The following DISC1 variants were observed in gnomAD, a reference collection of about 807,000 sequenced individuals.
DISC1 encodes the protein DISC1 scaffold protein.
Under a neutral mutation model 84.5 loss-of-function variants are expected in DISC1, and 57 were observed. The observed-to-expected ratio is 0.67, with a 90% CI of 0.55 to 0.84. The LOEUF (loss-of-function observed/expected upper bound fraction) is 0.84. DISC1 is among the 40% of genes least tolerant of loss of function. The pLI is 0.00. For synonymous variants in DISC1, 411 were observed against 415.2 expected (o/e 0.99, Z 0.12); for missense variants, 1,000 against 1,057.8 (o/e 0.95, Z 0.76).
intron 3 of DISC1, chr1:231,723,904 T>C: frequency 1.0e-6 from 1 of 985,466 alleles, no homozygotes; most frequent in Non-Finnish European, 1.2e-6. Context: ...CCAGTGCCGA[T>C]GTCTGGACAA....
intron 6 of DISC1, among the ~76,000 whole-genome samples, chr1:231,783,748 C>T (rs547739229): frequency 6.6e-6 from 1 of 152,296 alleles, no homozygotes; most frequent in East Asian, 1.9e-4. Context: ...TGCTACCTTA[C>T]TCATATGTGC....
chr1:231,805,755 T>C (rs894870363), intron 8 of DISC1, among the ~76,000 whole-genome samples: 2 of 152,084 alleles, frequency 1.3e-5, no homozygotes, highest in Admixed American at 1.3e-4. Context: ...GAGGATTACA[T>C]TGCAACATGA....
In DISC1 at chr1:231,694,087, C is replaced by T; in HGVS notation, c.329C>T (p.Ser110Phe). The change falls in exon 2 of 13, where the codon TCT becomes TTT. Residue 110 changes from serine to phenylalanine, a missense_variant. Ser to Phe is a radical substitution (Grantham distance 155). This residue lies in a region of DISC1 where 292 missense variants were observed against 280.2 expected (regional missense o/e 1.04). Transcript: ENST00000439617. ...AGTGCAGCAGCCCCTACTGTGACCTCTGTGAGAGGAACCTCGGCGCACTTT... is the reference window on the plus strand; with the variant it reads ...AGTGCAGCAGCCCCTACTGTGACCTTTGTGAGAGGAACCTCGGCGCACTTT... ...SKSAAAPTVT[S>F]VRGTSAHFGI... is the part of the protein sequence containing the mutation. 4 of 1,614,204 alleles carry T rather than the reference C, an allele frequency of 2.5e-6. No individual in the cohort carries two copies. Among genetic ancestry groups the T allele is most frequent in the Non-Finnish European group, 3.4e-6 (4 of 1,180,022 alleles).
chr1:231,772,525 A>T (rs944785545), intron 6 of DISC1, among the ~76,000 whole-genome samples: 12 of 152,082 alleles, frequency 7.9e-5, no homozygotes, highest in African/African-American at 2.9e-4. Flanking sequence ...TCCTCACTCA[A>T]CTCATTATTG....
chr1:231,839,554 T>A (rs1162650775), intron 9 of DISC1, among the ~76,000 whole-genome samples: 1 of 152,190 alleles, frequency 6.6e-6, no homozygotes, highest in East Asian at 1.9e-4. Context: ...TCAAGATTTC[T>A]GAAAGGTCGT....
chr1:231,962,125 G>A lies in DISC1; in HGVS notation c.2042+3237G>A, dbSNP rs146913936. On this transcript the variant is annotated intron_variant, in intron 10 of 12. Coordinates refer to ENST00000439617, the MANE Select transcript of DISC1 (RefSeq NM_018662.3). ...TGGTTTTGATTTACATTTCTCTGAT[G>A]ATTAATGATGTTAAACTTTTTTTGT... Among the ~76,000 whole-genome samples the A allele has an allele frequency of 5.2e-3, 795 of 152,260 alleles. 24 individuals carry two copies. Among genetic ancestry groups the A allele is most frequent in the Admixed American group, 0.048 (732 of 15,294 alleles).
chr1:231,787,202 A>G (rs566597333), intron 6 of DISC1, among the ~76,000 whole-genome samples: 3 of 152,172 alleles, frequency 2.0e-5, no homozygotes, highest in African/African-American at 7.2e-5. Flanking sequence ...TCTCTAACCA[A>G]ATAGATGCCC....
intron 9 of DISC1, among the ~76,000 whole-genome samples, chr1:231,881,982 A>G (rs2086321883): frequency 6.6e-6 from 1 of 152,170 alleles, no homozygotes; most frequent in South Asian, 2.1e-4. Flanking sequence ...TTGAGGTCAC[A>G]TGCTTGGTCG....
At chr1:231,692,537 G>A (rs922114123) in intron 1 of DISC1, among the ~76,000 whole-genome samples, 2 of 152,328 alleles carry the variant, frequency 1.3e-5, no homozygotes, top group East Asian at 1.9e-4. Context: ...TAGTGATCTC[G>A]GCTTAACAGG....
At chr1:231,800,748 G>A (rs940559550) in intron 8 of DISC1, among the ~76,000 whole-genome samples, 5 of 152,070 alleles carry the variant, frequency 3.3e-5, no homozygotes, top group African/African-American at 1.2e-4. Context: ...ACACTCCTCT[G>A]GATTTGTTAT....
At chr1:231,770,708 C>T in intron 5 of DISC1, 127 bp from the exon 6 acceptor site, 1 of 1,488,790 alleles carries the variant, frequency 6.7e-7, no homozygotes, top group Admixed American at 2.0e-5. Flanking sequence ...AATCTGCCTG[C>T]CTCAGAAGGG....
chr1:232,004,634 A>C (rs1313891782), intron 10 of DISC1, among the ~76,000 whole-genome samples: 3 of 152,218 alleles, frequency 2.0e-5, no homozygotes, highest in African/African-American at 7.2e-5. Context: ...TAGGCAATGA[A>C]TATGAAAAGA....
chr1:232,012,862 T>C (rs1558836560), intron 11 of DISC1, among the ~76,000 whole-genome samples: 1 of 152,176 alleles, frequency 6.6e-6, no homozygotes, highest in Non-Finnish European at 1.5e-5. Flanking sequence ...CTTTGGACTT[T>C]GTTACAGAGG....
At chr1:231,764,699 C>T (rs1236359141) in intron 4 of DISC1, among the ~76,000 whole-genome samples, 6 of 152,088 alleles carry the variant, frequency 3.9e-5, no homozygotes, top group South Asian at 4.2e-4. Context: ...TTTTTGTAGC[C>T]GATCTTTGTG....
At chr1:231,717,511 C>T (rs1279771071) in intron 3 of DISC1, among the ~76,000 whole-genome samples, 8 of 152,086 alleles carry the variant, frequency 5.3e-5, no homozygotes, top group Admixed American at 1.3e-4. Flanking sequence ...GAGCCATAGG[C>T]GTGGGGTCCT....
intron 9 of DISC1, among the ~76,000 whole-genome samples, chr1:231,953,140 G>A (rs1658787158): frequency 6.6e-6 from 1 of 152,162 alleles, no homozygotes; most frequent in Admixed American, 6.5e-5. Context: ...TTAGAATAAG[G>A]TGTTTAAAAC....
At chr1:231,889,867 C>A (rs1485638481) in intron 9 of DISC1, among the ~76,000 whole-genome samples, 1 of 152,124 alleles carries the variant, frequency 6.6e-6, no homozygotes, top group Non-Finnish European at 1.5e-5. Context: ...TGACAAATAT[C>A]AGGAGCTCCT....
At chr1:231,705,514 T>C (rs1016050142) in intron 3 of DISC1, among the ~76,000 whole-genome samples, 1 of 151,862 alleles carries the variant, frequency 6.6e-6, no homozygotes, top group African/African-American at 2.4e-5. Flanking sequence ...ACTGTTACCA[T>C]GAGCCACCAT....
In DISC1 at chr1:232,037,153, G is replaced by A. The variant is rs1670579671; in HGVS notation, c.*322G>A. 5.6e-6 allele frequency: 1 copy of A among 177,854 alleles called. No homozygotes were observed. Among genetic ancestry groups the A allele is most frequent in the Non-Finnish European group, 1.2e-5 (1 of 85,376 alleles). The allele number at this position is 177,854 out of a possible 1,614,324, so 11.0% of individuals were successfully genotyped here. A position where few individuals can be genotyped will look rare whatever the true frequency, so the allele number is the denominator to read the frequency against. ...TCAGCCCCCATTAGAGAGAAGTTGGGGTGAATTCTGGAAAAATGTCTCTTT... is the reference window on the plus strand; with the variant it reads ...TCAGCCCCCATTAGAGAGAAGTTGGAGTGAATTCTGGAAAAATGTCTCTTT... On this transcript the variant is annotated 3_prime_UTR_variant, in exon 13 of 13. Coordinates refer to ENST00000439617, the MANE Select transcript of DISC1 (RefSeq NM_018662.3).
Sources: gnomAD v4.1 joint callset for allele counts (sites outside exome capture counted in the v4.1 genomes callset) on GRCh38, gnomAD v4.1.1 for gene constraint, gnomAD v4.1.1 regional missense constraint, MANE v1.5 for transcripts, NCBI Gene and HGNC (gene_info 2026-07-23, HGNC 2026-07-21) for gene names.